The following MTMR12 variants were observed in gnomAD, a reference collection of about 807,000 sequenced individuals.
MTMR12 encodes the protein myotubularin-related protein 12.
MTMR12 carries 33 observed loss-of-function variants against 96.7 expected under a neutral mutation model. The observed-to-expected ratio is 0.34, with a 90% CI of 0.26 to 0.46. The LOEUF is 0.46. Among genes scored for constraint, MTMR12 ranks in the 20% least tolerant of loss-of-function variants. The pLI is 1.00. For synonymous variants in MTMR12, 298 were observed against 327.2 expected (o/e 0.91, Z 0.96); for missense variants, 721 against 896.1 (o/e 0.80, Z 2.49).
At chr5:32,298,798 A>G (rs1315037950) in intron 1 of MTMR12, among the ~76,000 whole-genome samples, 6 of 151,864 alleles carry the variant, frequency 4.0e-5, no homozygotes, top group Admixed American at 3.3e-4. Context: ...AATACAAAAA[A>G]AAAAATTAGC....
intron 1 of MTMR12, among the ~76,000 whole-genome samples, chr5:32,278,747 A>C (rs1284369062): frequency 6.6e-6 from 1 of 152,174 alleles, no homozygotes; most frequent in African/African-American, 2.4e-5. Flanking sequence ...AAGAGGAACT[A>C]TTCCTGCATG....
chr5:32,231,338 C>A (rs1442638317), intron 15 of MTMR12, among the ~76,000 whole-genome samples: 1 of 148,120 alleles, frequency 6.8e-6, no homozygotes, highest in African/African-American at 2.5e-5. Flanking sequence ...GAGATCACGC[C>A]GTTGCACTCC....
intron 1 of MTMR12, among the ~76,000 whole-genome samples, chr5:32,295,999 C>CA (rs201198202): frequency 2.7e-5 from 4 of 150,574 alleles, no homozygotes; most frequent in African/African-American, 4.9e-5. Flanking sequence ...ACTAAAAATA[C>CA]AAAAAAAAAG....
chr5:32,275,608 G>T (rs1750020877), intron 2 of MTMR12, among the ~76,000 whole-genome samples: 1 of 152,220 alleles, frequency 6.6e-6, no homozygotes, highest in African/African-American at 2.4e-5. Flanking sequence ...AGAGTTGGGA[G>T]CTAGAAATGA....
At chr5:32,238,922 T>C in intron 13 of MTMR12, 79 bp downstream of exon 13, 1 of 1,385,710 alleles carries the variant, frequency 7.2e-7, no homozygotes, top group Non-Finnish European at 9.5e-7. Context: ...GCAATCCTAC[T>C]ACATCTGATG....
chr5:32,275,767 C>T (rs1055276659), intron 2 of MTMR12, among the ~76,000 whole-genome samples: 1 of 152,098 alleles, frequency 6.6e-6, no homozygotes, highest in African/African-American at 2.4e-5. Context: ...GAATCTATAA[C>T]ACCAAGAAGA....
At chr5:32,302,995 T>C (rs966484443) in intron 1 of MTMR12, among the ~76,000 whole-genome samples, 2 of 152,070 alleles carry the variant, frequency 1.3e-5, no homozygotes, top group Non-Finnish European at 2.9e-5. Flanking sequence ...AACAAAATAC[T>C]CCCCTTTTAT....
intron 1 of MTMR12, among the ~76,000 whole-genome samples, chr5:32,296,870 A>G (rs1050982735): frequency 4.6e-5 from 7 of 151,988 alleles, no homozygotes; most frequent in Non-Finnish European, 7.4e-5. Context: ...TGGGAGGCCA[A>G]GGTGGGCGGA....
intron 8 of MTMR12, among the ~76,000 whole-genome samples, chr5:32,250,835 G>A (rs1049241419): frequency 6.6e-6 from 1 of 152,052 alleles, no homozygotes. Flanking sequence ...TATTCTCTGC[G>A]TGAAACAGTA....
intron 1 of MTMR12, among the ~76,000 whole-genome samples, chr5:32,308,512 G>A (rs111392157): frequency 1.4e-4 from 22 of 152,158 alleles, no homozygotes; most frequent in East Asian, 1.9e-4. Flanking sequence ...GCCATGCCTC[G>A]ATGTTGCTCA....
chr5:32,253,016 A>C (rs1749000641), intron 8 of MTMR12, among the ~76,000 whole-genome samples: 1 of 152,198 alleles, frequency 6.6e-6, no homozygotes, highest in Admixed American at 6.5e-5. Context: ...GCTAAACAGA[A>C]AACAGTCCAG....
intron 1 of MTMR12, among the ~76,000 whole-genome samples, chr5:32,295,141 G>T (rs1750878144): frequency 1.3e-5 from 2 of 152,252 alleles, no homozygotes; most frequent in Admixed American, 1.3e-4. Flanking sequence ...CTCCTGGCCA[G>T]AAGGCTTGGC....
At chr5:32,299,744 G>A (rs1183327511) in intron 1 of MTMR12, among the ~76,000 whole-genome samples, 2 of 152,152 alleles carry the variant, frequency 1.3e-5, no homozygotes, top group Non-Finnish European at 2.9e-5. Context: ...TCCGAGCAGC[G>A]ACCCTTGGAT....
intron 1 of MTMR12, among the ~76,000 whole-genome samples, chr5:32,280,089 A>G (rs952895100): frequency 6.6e-6 from 1 of 152,190 alleles, no homozygotes; most frequent in African/African-American, 2.4e-5. Context: ...TGAAAAGTCA[A>G]TTCTTTGGAC....
At chr5:32,246,913 T>C (rs924483207) in intron 10 of MTMR12, among the ~76,000 whole-genome samples, 2 of 152,214 alleles carry the variant, frequency 1.3e-5, no homozygotes, top group Admixed American at 6.5e-5. Context: ...ATGAGTTATT[T>C]TGGGGTAAAA....
At chr5:32,291,602 G>A (rs983886821) in intron 1 of MTMR12, among the ~76,000 whole-genome samples, 7 of 152,154 alleles carry the variant, frequency 4.6e-5, no homozygotes, top group East Asian at 3.9e-4. Context: ...AGGGTGACCC[G>A]TTCTGTGGAC....
chr5:32,250,505 C>T (rs1049273547), intron 8 of MTMR12, among the ~76,000 whole-genome samples: 6 of 152,274 alleles, frequency 3.9e-5, no homozygotes, highest in East Asian at 3.9e-4. Flanking sequence ...CCATGCTAAG[C>T]GATGTGCAGA....
intron 1 of MTMR12, among the ~76,000 whole-genome samples, chr5:32,303,138 C>T (rs1213187104): frequency 6.6e-6 from 1 of 152,204 alleles, no homozygotes; most frequent in African/African-American, 2.4e-5. Flanking sequence ...AGGTTAACTA[C>T]ATCTAAGTAT....
In MTMR12 at chr5:32,268,813, A is replaced by G. The variant is rs1440788724; in HGVS notation, c.490-19T>C. 1 of 1,576,816 alleles carries G rather than the reference A, an allele frequency of 6.3e-7. No individual in the cohort carries two copies. Among genetic ancestry groups the G allele is most frequent in the East Asian group, 2.2e-5 (1 of 44,688 alleles). On this transcript the variant is annotated intron_variant, in intron 5 of 15. Coordinates refer to ENST00000382142, the MANE Select transcript of MTMR12 (RefSeq NM_001040446.3). The stretch of plus-strand genomic sequence containing the variant: ...TGACAATCTAAAAAAGAATCGAACA[A>G]TGGATATAGTTATGGTTTTGACAGA...
Sources: gnomAD v4.1 joint callset for allele counts (sites outside exome capture counted in the v4.1 genomes callset) on GRCh38, gnomAD v4.1.1 for gene constraint, MANE v1.5 for transcripts, NCBI Gene and HGNC (gene_info 2026-07-23, HGNC 2026-07-21) for gene names.